The following ERBB4 variants were observed in gnomAD, a reference collection of about 807,000 sequenced individuals.
ERBB4 encodes the protein erb-b2 receptor tyrosine kinase 4.
Under a neutral mutation model 158.0 loss-of-function variants are expected in ERBB4, and 42 were observed. The observed-to-expected ratio is 0.27, with a 90% CI of 0.21 to 0.34. The LOEUF (loss-of-function observed/expected upper bound fraction) is 0.34, where lower values mean the gene tolerates loss of function less well. Among genes scored for constraint, ERBB4 ranks in the 10% least tolerant of loss-of-function variants. The probability of loss-of-function intolerance (pLI) is 1.00; values close to 1 mark genes in which losing one functional copy is unlikely to be tolerated. For synonymous variants in ERBB4, 583 were observed against 558.7 expected, an observed-to-expected ratio of 1.04 and a Z score of -0.61; for missense variants, 1,333 against 1,624.1, an observed-to-expected ratio of 0.82 and a Z score of 3.08.
chr2:211,951,000 T>G (rs2080860258), intron 2 of ERBB4, among the ~76,000 whole-genome samples: 1 of 152,148 alleles, frequency 6.6e-6, no homozygotes, highest in African/African-American at 2.4e-5. Context: ...AAAGTAAAAT[T>G]CATTCATTAT....
chr2:212,082,019 A>C (rs1006716898), intron 2 of ERBB4, among the ~76,000 whole-genome samples: 1 of 152,106 alleles, frequency 6.6e-6, no homozygotes, highest in Non-Finnish European at 1.5e-5. Context: ...AACAATTATA[A>C]TACTAAAGGA....
At chr2:211,532,337 C>A (rs2066523671) in intron 20 of ERBB4, among the ~76,000 whole-genome samples, 1 of 151,624 alleles carries the variant, frequency 6.6e-6, no homozygotes, top group South Asian at 2.1e-4. Flanking sequence ...TGATTGATAC[C>A]CCATTTACCC....
chr2:211,685,058 C>T (rs2072508564), intron 12 of ERBB4, among the ~76,000 whole-genome samples: 1 of 152,322 alleles, frequency 6.6e-6, no homozygotes, highest in African/African-American at 2.4e-5. Flanking sequence ...ATTTGAATAT[C>T]TCCTCTCCTA....
chr2:211,918,535 G>C (rs539829647), intron 3 of ERBB4, among the ~76,000 whole-genome samples: 1 of 152,016 alleles, frequency 6.6e-6, no homozygotes, highest in African/African-American at 2.4e-5. Flanking sequence ...TGTAGATTTC[G>C]AGAGATACGT....
intron 1 of ERBB4, among the ~76,000 whole-genome samples, chr2:212,445,711 G>A (rs1418488941): frequency 8.5e-5 from 13 of 152,166 alleles, no homozygotes; most frequent in Non-Finnish European, 7.4e-5. Context: ...ATCCAGGCAG[G>A]ACTACAAATG....
rs567638782 is a variant in ERBB4 at position 212,428,863 on chromosome 2, G to C, written c.82+109586C>G. On this transcript the variant is annotated intron_variant, in intron 1 of 27. Transcript: ENST00000342788. ...GACATCTGTAGGCATAACAGATAGA[G>C]GGATACAAGTGCACTCCCAGGCAGC... 5.3e-5 allele frequency among the ~76,000 whole-genome samples: 8 copies of C among 152,228 alleles called. No homozygotes were observed. In the East Asian group the frequency reaches 1.5e-3, roughly 29 times the overall value.
intron 3 of ERBB4, among the ~76,000 whole-genome samples, chr2:211,877,577 T>C (rs1575299879): frequency 6.6e-6 from 1 of 151,940 alleles, no homozygotes; most frequent in East Asian, 1.9e-4. Context: ...TTTTTTTTTT[T>C]CCATTTCAGG....
intron 3 of ERBB4, among the ~76,000 whole-genome samples, chr2:211,813,277 T>C (rs527418384): frequency 1.3e-5 from 2 of 152,352 alleles, no homozygotes; most frequent in African/African-American, 4.8e-5. Context: ...AATGGTCGTG[T>C]ATAATGGAAT....
chr2:212,030,908 G>T (rs1054756885), intron 2 of ERBB4, among the ~76,000 whole-genome samples: 2 of 151,988 alleles, frequency 1.3e-5, no homozygotes, highest in Non-Finnish European at 2.9e-5. Flanking sequence ...AGACATGGGG[G>T]AGGGGTGCAA....
chr2:211,493,299 T>G (rs2125575862), intron 20 of ERBB4, among the ~76,000 whole-genome samples: 1 of 152,192 alleles, frequency 6.6e-6, no homozygotes, highest in African/African-American at 2.4e-5. Context: ...GATAGAAAAC[T>G]AATTGAGGGC....
At chr2:212,111,418 A>T (rs1325436314) in intron 2 of ERBB4, among the ~76,000 whole-genome samples, 1 of 152,200 alleles carries the variant, frequency 6.6e-6, no homozygotes, top group African/African-American at 2.4e-5. Flanking sequence ...TAGTAAGCTG[A>T]CAAGTCTTAA....
Position 212,359,596 on chromosome 2 carries a change from G to T in ERBB4, c.82+178853C>A, listed in dbSNP as rs1209771634. On this transcript the variant is annotated intron_variant, in intron 1 of 27. Coordinates refer to ENST00000342788, the MANE Select transcript of ERBB4 (RefSeq NM_005235.3). ...GACAAGGCGCTTAAGAGTTCTAGCTGCTGTAAACACTCCCCTGATAGCAGA... is the reference window on the plus strand; with the variant it reads ...GACAAGGCGCTTAAGAGTTCTAGCTTCTGTAAACACTCCCCTGATAGCAGA... Among the ~76,000 whole-genome samples, 4 of 151,804 alleles carry T rather than the reference G, an allele frequency of 2.6e-5. No individual in the cohort carries two copies. In the South Asian group the frequency reaches 8.3e-4, roughly 31 times the overall value.
At chr2:212,067,973 T>C (rs769624878) in intron 2 of ERBB4, among the ~76,000 whole-genome samples, 5 of 152,066 alleles carry the variant, frequency 3.3e-5, no homozygotes, top group Non-Finnish European at 4.4e-5. Context: ...TAGACTTAGA[T>C]GCAAAAACGA....
At chr2:211,509,038 A>G (rs2065824180) in intron 20 of ERBB4, among the ~76,000 whole-genome samples, 1 of 152,196 alleles carries the variant, frequency 6.6e-6, no homozygotes, top group South Asian at 2.1e-4. Context: ...TTGCAGGGAC[A>G]TGGATGAAGC....
intron 1 of ERBB4, among the ~76,000 whole-genome samples, chr2:212,455,909 T>C (rs921528744): frequency 9.9e-5 from 15 of 152,182 alleles, no homozygotes; most frequent in African/African-American, 3.6e-4. Flanking sequence ...TGCTAGGTGC[T>C]GGGCATCCTG....
chr2:211,955,118 C>A (rs543934654), intron 2 of ERBB4, among the ~76,000 whole-genome samples: 1 of 152,152 alleles, frequency 6.6e-6, no homozygotes, highest in Non-Finnish European at 1.5e-5. Flanking sequence ...TACTTACATA[C>A]TGCGTGAAAT....
chr2:212,376,899 C>A (rs2090341670), intron 1 of ERBB4, among the ~76,000 whole-genome samples: 1 of 151,942 alleles, frequency 6.6e-6, no homozygotes, highest in Non-Finnish European at 1.5e-5. Context: ...AAGAAGCAGG[C>A]AAACTATTGA....
At chr2:211,840,090 T>C (rs1190574768) in intron 3 of ERBB4, among the ~76,000 whole-genome samples, 4 of 151,998 alleles carry the variant, frequency 2.6e-5, no homozygotes, top group Non-Finnish European at 5.9e-5. Context: ...CCTACCCAAA[T>C]CTCATCTTGA....
chr2:212,515,647 G>C (rs746932568), intron 1 of ERBB4, among the ~76,000 whole-genome samples: 8 of 151,654 alleles, frequency 5.3e-5, no homozygotes, highest in Non-Finnish European at 8.8e-5. Context: ...CTAGTATATT[G>C]ATATTCAAAT....
Sources: allele counts gnomAD v4.1 joint callset (sites outside exome capture counted in the v4.1 genomes callset), GRCh38; gene constraint gnomAD v4.1.1; transcripts MANE v1.5; gene names NCBI Gene and HGNC (gene_info 2026-07-23, HGNC 2026-07-21).